The following PTPRN2 variants were observed in gnomAD, a reference collection of about 807,000 sequenced individuals.
PTPRN2 encodes protein tyrosine phosphatase receptor type N2.
PTPRN2 carries 74 observed loss-of-function variants against 118.8 expected under a neutral mutation model. The ratio of observed to expected loss-of-function variants is 0.62; its 90% CI spans 0.52 to 0.76. PTPRN2 has a LOEUF of 0.76. PTPRN2 is among the 30% of genes least tolerant of loss of function. The pLI, the probability that PTPRN2 is intolerant of heterozygous loss-of-function variation, is 0.00. For missense variants in PTPRN2, 1,481 were observed against 1,394.4 expected (o/e 1.06, Z -0.99); for synonymous variants, 641 against 608.0 (o/e 1.05, Z -0.80).
At position 158,093,233 on chromosome 7, in the gene PTPRN2, C is replaced by G. The variant is rs548517880; in HGVS notation, c.1644-11856G>C. On this transcript the variant is annotated intron_variant, in intron 10 of 22. Transcript: ENST00000389418. The surrounding 1 kb of genome is among the most constrained non-coding windows in gnomAD (Gnocchi z 4.4). ...TCTGCCGCTGGACCGACCCCCCACA[C>G]TGTAGACCCACACGCAGGCCTGCAC... Among the ~76,000 whole-genome samples, 1 of 117,036 alleles carries G rather than the reference C, an allele frequency of 8.5e-6. No homozygotes were observed. The highest frequency in any genetic ancestry group is 3.2e-5 in the African/African-American group (1 of 31,366). 76.8% of individuals were successfully genotyped at this position (117,036 alleles called of 152,430 possible). A position where few individuals can be genotyped will look rare whatever the true frequency, so the allele number is the denominator to read the frequency against.
In PTPRN2 at chr7:157,550,677, C is replaced by T. The variant is rs1422122628; in HGVS notation, c.2903-1658G>A. Among the ~76,000 whole-genome samples, 1 of 152,232 alleles carries T rather than the reference C, an allele frequency of 6.6e-6. No individual in the cohort carries two copies. ...CATCCCCTGGTTAAAGGACCCCATT[C>T]TCCTGGGCAGGGAACACCATGAGGG... On this transcript the variant is annotated intron_variant, in intron 21 of 22. Coordinates refer to ENST00000389418, the MANE Select transcript of PTPRN2 (RefSeq NM_002847.5). The surrounding 1 kb of genome is among the most constrained non-coding windows in gnomAD (Gnocchi z 5.2).
intron 17 of PTPRN2, among the ~76,000 whole-genome samples, chr7:157,594,844 C>T (rs2150563143): frequency 6.6e-6 from 1 of 152,324 alleles, no homozygotes; most frequent in Non-Finnish European, 1.5e-5. Flanking sequence ...TTCAGATGCC[C>T]TACAGGACTC....
chr7:157,908,922 C>T (rs879633160), intron 11 of PTPRN2, among the ~76,000 whole-genome samples: 2 of 152,080 alleles, frequency 1.3e-5, no homozygotes, highest in Non-Finnish European at 2.9e-5. Context: ...AATACTTCTA[C>T]ATCTTGTACC....
At chr7:158,023,367 C>T (rs886718544) in intron 11 of PTPRN2, among the ~76,000 whole-genome samples, 4 of 152,132 alleles carry the variant, frequency 2.6e-5, no homozygotes, top group Non-Finnish European at 4.4e-5. Flanking sequence ...GGCTGCACTC[C>T]GTGGCCAGTG....
rs1466700162 is a variant in PTPRN2 at position 157,801,125 on chromosome 7, C to A, written c.1788+97548G>T. ...TGCACATATATATGAATACCCAATA[C>A]CCAATCCACAGCTTTCTCTTTGTGG... On this transcript the variant is annotated intron_variant, in intron 12 of 22. Coordinates refer to ENST00000389418, the MANE Select transcript of PTPRN2 (RefSeq NM_002847.5). The surrounding 1 kb of genome is among the most constrained non-coding windows in gnomAD (Gnocchi z 4.2). Among the ~76,000 whole-genome samples, 1 of 151,648 alleles carries A rather than the reference C, an allele frequency of 6.6e-6. No homozygotes were observed. Among genetic ancestry groups the A allele is most frequent in the East Asian group, 1.9e-4 (1 of 5,182 alleles).
At chr7:158,087,342 G>A (rs1813505626) in intron 10 of PTPRN2, among the ~76,000 whole-genome samples, 1 of 152,208 alleles carries the variant, frequency 6.6e-6, no homozygotes, top group South Asian at 2.1e-4. Context: ...GATCTCATGA[G>A]GAATCTGTAA....
At chr7:157,832,603 GA>G (rs916550873) in intron 12 of PTPRN2, among the ~76,000 whole-genome samples, 4 of 151,928 alleles carry the variant, frequency 2.6e-5, no homozygotes, top group African/African-American at 7.3e-5. Flanking sequence ...CTGTTAAAAA[GA>G]AAAAAAGAAA....
chr7:158,380,047 C>A (rs140394287), intron 2 of PTPRN2, among the ~76,000 whole-genome samples: 1 of 152,128 alleles, frequency 6.6e-6, no homozygotes, highest in Admixed American at 6.5e-5. Flanking sequence ...TACCTTCCAA[C>A]GGGTCCCTCC....
intron 5 of PTPRN2, among the ~76,000 whole-genome samples, chr7:158,172,964 CCAT>C (rs1823848830): frequency 6.7e-6 from 1 of 150,212 alleles, no homozygotes; most frequent in Non-Finnish European, 1.5e-5. Context: ...AGCATCCCCA[CCAT>C]CATCATCACC....
chr7:158,056,680 A>G (rs1809819502), intron 11 of PTPRN2, among the ~76,000 whole-genome samples: 1 of 152,160 alleles, frequency 6.6e-6, no homozygotes, highest in African/African-American at 2.4e-5. Flanking sequence ...GCGTCCAGTG[A>G]GGCCTATTTC....
chr7:158,263,236 G>A (rs1173001313), intron 3 of PTPRN2, among the ~76,000 whole-genome samples: 1 of 152,170 alleles, frequency 6.6e-6, no homozygotes, highest in Non-Finnish European at 1.5e-5. Context: ...TGTGCCTACT[G>A]TATGCATGCA....
At chr7:157,799,009 C>T (rs1010854518) in intron 12 of PTPRN2, among the ~76,000 whole-genome samples, 3 of 152,214 alleles carry the variant, frequency 2.0e-5, no homozygotes, top group Admixed American at 6.5e-5. Flanking sequence ...GGGTGCTGCC[C>T]CCTCCTCCTT....
chr7:157,540,768 C>T lies in PTPRN2; in HGVS notation c.2994G>A (p.Ala998=), dbSNP rs765163209. The T allele has an allele frequency of 2.0e-5, 32 of 1,567,932 alleles. 1 individual carries two copies. Among genetic ancestry groups the T allele is most frequent in the African/African-American group, 6.8e-5 (5 of 73,758 alleles). ...MVQTKEQFEF[A]LTAVAEEVNA... ...TCACCTCCTCAGCCACGGCTGTCAGCGCGAACTCAAACTGCTCCTGCAGGG... is the reference window on the plus strand; with the variant it reads ...TCACCTCCTCAGCCACGGCTGTCAGTGCGAACTCAAACTGCTCCTGCAGGG... Residue 998 remains alanine, a synonymous_variant, in exon 23 of 23, where the codon GCG becomes GCA. Coordinates refer to ENST00000389418, the MANE Select transcript of PTPRN2 (RefSeq NM_002847.5).
intron 2 of PTPRN2, among the ~76,000 whole-genome samples, chr7:158,488,192 G>T (rs561448184): frequency 6.6e-6 from 1 of 152,134 alleles, no homozygotes; most frequent in Non-Finnish European, 1.5e-5. Context: ...GGCAGACGAC[G>T]TAGGATTTTC....
rs983426187 is a variant in PTPRN2 at position 157,622,258 on chromosome 7, ACT to A, written c.2197-751_2197-750del. The stretch of plus-strand genomic sequence containing the variant: ...GGAAGTGACGGCCTCGTCTGCTGTC[ACT>A]CTGCTTGTGGATTTGCAAGGTACTG... On this transcript the variant is annotated intron_variant, in intron 14 of 22. Transcript: ENST00000389418. This position sits in a 1 kb window ranked among gnomAD's most constrained non-coding sequence, Gnocchi z 5.3. 6.6e-6 allele frequency among the ~76,000 whole-genome samples: 1 copy of A among 151,682 alleles called. No individual in the cohort carries two copies. The highest frequency in any genetic ancestry group is 2.4e-5 in the African/African-American group (1 of 41,246).
At chr7:157,878,224 G>A (rs544136161) in intron 12 of PTPRN2, among the ~76,000 whole-genome samples, 8 of 152,384 alleles carry the variant, frequency 5.2e-5, no homozygotes, top group South Asian at 4.1e-4. Flanking sequence ...GTGCTGGGCC[G>A]GCCAGTGCTC....
intron 11 of PTPRN2, among the ~76,000 whole-genome samples, chr7:158,001,312 C>G (rs1007707769): frequency 1.3e-5 from 2 of 148,414 alleles, no homozygotes; most frequent in African/African-American, 5.0e-5. Context: ...CAGGCCTGCT[C>G]TTGGCTGTGC....
chr7:157,997,402 G>C (rs1260815992), intron 11 of PTPRN2, among the ~76,000 whole-genome samples: 2 of 152,260 alleles, frequency 1.3e-5, no homozygotes, highest in African/African-American at 4.8e-5. Flanking sequence ...TTGACTTCAG[G>C]ACAGGGGGCT....
chr7:158,286,501 C>T lies in PTPRN2; in HGVS notation c.277+30318G>A, dbSNP rs140141480. Among the ~76,000 whole-genome samples the T allele has an allele frequency of 2.6e-4, 39 of 152,208 alleles. No homozygotes were observed. In the East Asian group the frequency reaches 6.6e-3, roughly 26 times the overall value. ...TATCTGTGAGTTTGTCATATATGGT[C>T]TTTATTATGTTGAAGCACATCCCTT... On this transcript the variant is annotated intron_variant, in intron 3 of 22. Coordinates refer to ENST00000389418, the MANE Select transcript of PTPRN2 (RefSeq NM_002847.5).
Sources: allele counts gnomAD v4.1 joint callset (sites outside exome capture counted in the v4.1 genomes callset), GRCh38; gene constraint gnomAD v4.1.1; non-coding constraint Gnocchi (gnomAD v3.1); transcripts MANE v1.5; gene names NCBI Gene and HGNC (gene_info 2026-07-23, HGNC 2026-07-21).